WDPCP: variants seen among roughly 807,000 people sequenced by gnomAD.
The protein encoded by WDPCP is WD repeat-containing and planar cell polarity effector protein fritz homolog.
In WDPCP, 71 loss-of-function variants were observed where a neutral mutation model predicts 93.1. That is an observed-to-expected ratio of 0.76 (90% CI 0.63 to 0.93). WDPCP has a LOEUF of 0.93. Among genes scored for constraint, WDPCP ranks in the 40% least tolerant of loss-of-function variants. The pLI, the probability that WDPCP is intolerant of heterozygous loss-of-function variation, is 0.00. For missense variants in WDPCP, 844 were observed against 887.4 expected, an observed-to-expected ratio of 0.95 and a Z score of 0.62; for synonymous variants, 315 against 315.0, an observed-to-expected ratio of 1.00 and a Z score of 0.00.
At chr2:63,469,037 A>G (rs1320516064) in intron 6 of WDPCP, among the ~76,000 whole-genome samples, 1 of 152,128 alleles carries the variant, frequency 6.6e-6, no homozygotes, top group East Asian at 1.9e-4. Context: ...GGCAAAGGAC[A>G]TGAACTGACA....
At chr2:63,463,597 A>G (rs912469230) in intron 6 of WDPCP, among the ~76,000 whole-genome samples, 1 of 152,210 alleles carries the variant, frequency 6.6e-6, no homozygotes, top group African/African-American at 2.4e-5. Flanking sequence ...AAAATATATT[A>G]CAAAACTAAT....
At chr2:63,772,337 G>T (rs371349998) in intron 2 of WDPCP, among the ~76,000 whole-genome samples, 2 of 152,120 alleles carry the variant, frequency 1.3e-5, no homozygotes, top group East Asian at 3.9e-4. Context: ...CTTCTTTTGA[G>T]AAGTGTTTAT....
At chr2:63,668,386 T>C (rs1318868691) in intron 2 of WDPCP, among the ~76,000 whole-genome samples, 1 of 152,170 alleles carries the variant, frequency 6.6e-6, no homozygotes, top group Admixed American at 6.5e-5. Flanking sequence ...AGCAGGAAAG[T>C]TTTAGCTCAT....
intron 13 of WDPCP, among the ~76,000 whole-genome samples, chr2:63,268,247 C>T (rs1682321139): frequency 6.6e-6 from 1 of 152,038 alleles, no homozygotes. Flanking sequence ...TGTATGATCT[C>T]ACTTGTTATA....
upstream of WDPCP, chr2:63,588,741 T>C: frequency 2.0e-6 from 1 of 494,552 alleles, no homozygotes; most frequent in East Asian, 3.8e-5. Context: ...TTTGTTGTCG[T>C]CCTCCAATCA....
In WDPCP at chr2:63,412,030, G is replaced by A. The variant is rs534032662; in HGVS notation, c.826-7373C>T. On this transcript the variant is annotated intron_variant, in intron 9 of 17. Coordinates refer to ENST00000272321, the MANE Select transcript of WDPCP (RefSeq NM_015910.7). ...AACAACCTTCCCTACTTCATTCTAT[G>A]AAGCCGGCATCACCCTAATACCAAA... 4.6e-5 allele frequency among the ~76,000 whole-genome samples: 7 copies of A among 152,188 alleles called. No homozygotes were observed. In the South Asian group the frequency reaches 1.5e-3, roughly 32 times the overall value.
At chr2:63,153,827 ATTAAACT>A (rs1559159087) in intron 15 of WDPCP, among the ~76,000 whole-genome samples, 2 of 152,036 alleles carry the variant, frequency 1.3e-5, no homozygotes, top group Non-Finnish European at 2.9e-5. Flanking sequence ...GAGCAGTTAA[ATTAAACT>A]TTAACATACA....
chr2:63,150,574 A>T (rs1671822144), intron 17 of WDPCP, among the ~76,000 whole-genome samples: 1 of 152,198 alleles, frequency 6.6e-6, no homozygotes, highest in Admixed American at 6.5e-5. Flanking sequence ...ACTATGGGAA[A>T]TTACTAATCT....
chr2:63,576,647 T>A (rs760589355), intron 1 of WDPCP, among the ~76,000 whole-genome samples: 1 of 152,202 alleles, frequency 6.6e-6, no homozygotes, highest in African/African-American at 2.4e-5. Flanking sequence ...AACCTTCAGC[T>A]TCTAGAGGTT....
At chr2:63,815,572 C>G (rs974475505) in intron 1 of WDPCP, among the ~76,000 whole-genome samples, 1 of 152,164 alleles carries the variant, frequency 6.6e-6, no homozygotes, top group Admixed American at 6.5e-5. Context: ...CTCTAAGAAG[C>G]TTTCATTGCA....
At chr2:63,750,744 T>G (rs1669866689) in intron 2 of WDPCP, among the ~76,000 whole-genome samples, 1 of 137,410 alleles carries the variant, frequency 7.3e-6, no homozygotes, top group African/African-American at 3.1e-5. Flanking sequence ...TGATCTTATG[T>G]TTTTTTTCTT....
intron 3 of WDPCP, among the ~76,000 whole-genome samples, chr2:63,604,046 T>C (rs1285572743): frequency 6.6e-6 from 1 of 152,220 alleles, no homozygotes; most frequent in Non-Finnish European, 1.5e-5. Context: ...TCTGGAGTTA[T>C]AGCTAGAGAT....
intron 13 of WDPCP, among the ~76,000 whole-genome samples, chr2:63,285,433 CAAA>C (rs749712426): frequency 2.6e-4 from 13 of 50,874 alleles, no homozygotes; most frequent in Admixed American, 5.9e-4. Flanking sequence ...GACTCCATCT[CAAA>C]AAAAAAAAAA....
chr2:63,164,576 G>A (rs1422361772), intron 15 of WDPCP, among the ~76,000 whole-genome samples: 4 of 152,108 alleles, frequency 2.6e-5, no homozygotes, highest in Non-Finnish European at 4.4e-5. Context: ...CCCAGAAACT[G>A]AGCAGATGCT....
chr2:63,642,089 G>A (rs1375773173), intron 3 of WDPCP, among the ~76,000 whole-genome samples: 1 of 152,070 alleles, frequency 6.6e-6, no homozygotes, highest in Non-Finnish European at 1.5e-5. Context: ...TTGAAAATGA[G>A]TTCATATGGG....
chr2:63,326,132 G>A (rs191885852), intron 12 of WDPCP, among the ~76,000 whole-genome samples: 4 of 152,284 alleles, frequency 2.6e-5, no homozygotes, highest in East Asian at 3.9e-4. Flanking sequence ...TATGGCTATC[G>A]GACAACCGCC....
intron 3 of WDPCP, among the ~76,000 whole-genome samples, chr2:63,635,822 C>T (rs572814999): frequency 9.9e-5 from 15 of 152,182 alleles, no homozygotes; most frequent in Middle Eastern, 3.4e-3. Context: ...CCTCTCTTGC[C>T]GCTTCTATTT....
chr2:63,597,032 G>A (rs1709327017), intron 3 of WDPCP, among the ~76,000 whole-genome samples: 1 of 152,160 alleles, frequency 6.6e-6, no homozygotes, highest in Non-Finnish European at 1.5e-5. Flanking sequence ...TAAAGTAATT[G>A]TAATTTAAAG....
chr2:63,340,438 T>C (rs753193681), intron 12 of WDPCP, among the ~76,000 whole-genome samples: 2 of 152,186 alleles, frequency 1.3e-5, no homozygotes, highest in Non-Finnish European at 2.9e-5. Context: ...TGGAGGATAG[T>C]AGTCCTGCCT....
Sources: gnomAD v4.1 joint callset for allele counts (sites outside exome capture counted in the v4.1 genomes callset) on GRCh38, gnomAD v4.1.1 for gene constraint, MANE v1.5 for transcripts, NCBI Gene and HGNC (gene_info 2026-07-23, HGNC 2026-07-21) for gene names.